TXNL1: variants seen among roughly 807,000 people sequenced by gnomAD.
The protein encoded by TXNL1 is thioredoxin like 1, also known as thioredoxin-like protein 1.
Under a neutral mutation model 35.5 loss-of-function variants are expected in TXNL1, and 14 were observed. The observed-to-expected ratio is 0.39, with a 90% CI of 0.26 to 0.62. TXNL1 has a LOEUF of 0.62. TXNL1 is among the 20% of genes least tolerant of loss of function. The pLI is 0.47. For synonymous variants in TXNL1, 110 were observed against 115.5 expected (o/e 0.95, Z 0.31); for missense variants, 263 against 349.7 (o/e 0.75, Z 1.98).
At chr18:56,637,522 AACTT>A (rs1481622364) in intron 1 of TXNL1, among the ~76,000 whole-genome samples, 1 of 152,192 alleles carries the variant, frequency 6.6e-6, no homozygotes, top group Non-Finnish European at 1.5e-5. Flanking sequence ...CTTACAAAGG[AACTT>A]TACTACACAT....
intron 1 of TXNL1, among the ~76,000 whole-genome samples, chr18:56,630,936 A>C (rs919666273): frequency 6.6e-6 from 1 of 151,538 alleles, no homozygotes; most frequent in African/African-American, 2.4e-5. Context: ...GGTTGAGTGC[A>C]GTGGCATAAT....
chr18:56,626,225 T>C (rs2024275800), intron 2 of TXNL1, 136 bp downstream of exon 2: 1 of 1,435,064 alleles, frequency 7.0e-7, no homozygotes, highest in African/African-American at 1.4e-5. Context: ...TCTGTAATAA[T>C]GACATCAACA....
intron 3 of TXNL1, among the ~76,000 whole-genome samples, chr18:56,621,949 G>A (rs891214492): frequency 4.0e-5 from 6 of 150,464 alleles, no homozygotes; most frequent in South Asian, 2.1e-4. Flanking sequence ...CCAGGGGGAC[G>A]GTGGAGGTTG....
intron 5 of TXNL1, among the ~76,000 whole-genome samples, chr18:56,614,818 T>G (rs2024057527): frequency 6.6e-6 from 1 of 152,110 alleles, no homozygotes; most frequent in Non-Finnish European, 1.5e-5. Context: ...GCTAACACTG[T>G]GGTAAATATT....
intron 7 of TXNL1, among the ~76,000 whole-genome samples, chr18:56,605,873 T>A (rs1405583672): frequency 6.6e-6 from 1 of 152,220 alleles, no homozygotes; most frequent in South Asian, 2.1e-4. Context: ...CTGTCAGATA[T>A]CTTAGTGACA....
intron 3 of TXNL1, among the ~76,000 whole-genome samples, chr18:56,621,957 T>A (rs1289577765): frequency 6.7e-6 from 1 of 148,482 alleles, no homozygotes; most frequent in African/African-American, 2.5e-5. Context: ...ACGGTGGAGG[T>A]TGCAGATCAT....
In TXNL1 at chr18:56,599,561, A is replaced by AT. The variant is rs747328229; in HGVS notation, c.*3465dup. The AT allele has an allele frequency of 0.023, 3,378 of 143,944 alleles. 62 individuals carry two copies. Among genetic ancestry groups the AT allele is most frequent in the East Asian group, 0.083 (409 of 4,950 alleles). 8.9% of individuals were successfully genotyped at this position (143,944 alleles called of 1,614,324 possible). On this transcript the variant is annotated 3_prime_UTR_variant, in exon 8 of 8. Coordinates refer to ENST00000217515, the MANE Select transcript of TXNL1 (RefSeq NM_004786.3). Reference sequence around the variant, plus strand: ...TTTTCTTTAGCAGTTCTGTGAATGGATTTTTTTTTTTTTTCTTTTGAGACA... The same window carrying AT: ...TTTTCTTTAGCAGTTCTGTGAATGGATTTTTTTTTTTTTTTCTTTTGAGACA...
intron 2 of TXNL1, 133 bp from the exon 3 acceptor site, chr18:56,624,594 T>C: frequency 9.4e-7 from 1 of 1,060,342 alleles, no homozygotes; most frequent in African/African-American, 1.6e-5. Context: ...TTTTGTTATT[T>C]AAGGAAAAAA....
rs141245835 is a variant in TXNL1, at chr18:56,617,488, A to AC, written c.492+515_492+516insG. Among the ~76,000 whole-genome samples the AC allele has an allele frequency of 2.9e-3, 447 of 152,376 alleles. 4 individuals are homozygous for AC. The highest frequency in any genetic ancestry group is 0.01 in the African/African-American group (420 of 41,594). ...GGACAAATCAGTGACAATGGAAGAG[A>AC]AAGTAAACTGAGAAAAGTAACAGCC... On this transcript the variant is annotated intron_variant, in intron 4 of 7. Coordinates refer to ENST00000217515, the MANE Select transcript of TXNL1 (RefSeq NM_004786.3).
chr18:56,633,446 CAAAAA>C (rs57445949), intron 1 of TXNL1, among the ~76,000 whole-genome samples: 1 of 74,364 alleles, frequency 1.3e-5, no homozygotes, highest in Non-Finnish European at 2.6e-5. Context: ...GACTCTGTCT[CAAAAA>C]AAAAAAAAAA....
At chr18:56,629,576 G>GTA (rs1444083622) in intron 1 of TXNL1, among the ~76,000 whole-genome samples, 1 of 152,112 alleles carries the variant, frequency 6.6e-6, no homozygotes, top group Non-Finnish European at 1.5e-5. Flanking sequence ...TCAAACCTAT[G>GTA]TATATATATA....
intron 1 of TXNL1, 124 bp downstream of exon 1, chr18:56,638,219 T>C: frequency 2.0e-6 from 2 of 982,544 alleles, no homozygotes; most frequent in South Asian, 1.8e-5. Flanking sequence ...CGGCAGCTCC[T>C]GGGGCTGCGG....
intron 7 of TXNL1, among the ~76,000 whole-genome samples, chr18:56,607,461 T>C (rs143916095): frequency 2.0e-5 from 3 of 152,112 alleles, no homozygotes; most frequent in East Asian, 1.9e-4. Context: ...TCTGGCTTTG[T>C]TGTTAAATCT....
chr18:56,623,133 A>G (rs534345181), intron 3 of TXNL1, among the ~76,000 whole-genome samples: 1 of 152,236 alleles, frequency 6.6e-6, no homozygotes, highest in African/African-American at 2.4e-5. Context: ...ATTGTTTAAG[A>G]TATTAGCTTT....
At chr18:56,624,487 T>C in intron 2 of TXNL1, 26 bp from the exon 3 acceptor site, 1 of 1,594,946 alleles carries the variant, frequency 6.3e-7, no homozygotes, top group Admixed American at 1.7e-5. Flanking sequence ...TGGACAGTGT[T>C]ATGAATTAAA....
intron 3 of TXNL1, among the ~76,000 whole-genome samples, chr18:56,623,824 G>A (rs2024231157): frequency 6.7e-6 from 1 of 148,750 alleles, no homozygotes; most frequent in African/African-American, 2.5e-5. Flanking sequence ...TAAATACAGT[G>A]CCAGAAAAGA....
intron 3 of TXNL1, among the ~76,000 whole-genome samples, chr18:56,620,965 A>G (rs1054283237): frequency 1.1e-4 from 16 of 152,234 alleles, no homozygotes; most frequent in African/African-American, 3.6e-4. Context: ...AAGTTTTACT[A>G]TAGCAGAATT....
At chr18:56,607,567 A>G (rs2023920690) in intron 7 of TXNL1, among the ~76,000 whole-genome samples, 1 of 152,138 alleles carries the variant, frequency 6.6e-6, no homozygotes, top group Non-Finnish European at 1.5e-5. Flanking sequence ...ATCCCGATTA[A>G]ACCCATTGTA....
intron 1 of TXNL1, among the ~76,000 whole-genome samples, chr18:56,637,860 G>A (rs2024480835): frequency 6.6e-6 from 1 of 152,208 alleles, no homozygotes; most frequent in African/African-American, 2.4e-5. Context: ...TCAGAGCTAC[G>A]CATATTAGTT....
Sources: gnomAD v4.1 joint callset for allele counts (sites outside exome capture counted in the v4.1 genomes callset) on GRCh38, gnomAD v4.1.1 for gene constraint, MANE v1.5 for transcripts, NCBI Gene and HGNC (gene_info 2026-07-23, HGNC 2026-07-21) for gene names.